PSMB7: variants seen among roughly 807,000 people sequenced by gnomAD.
PSMB7 encodes the protein proteasome 20S subunit beta 7, also known as proteasome subunit beta type-7.
PSMB7 carries 5 observed loss-of-function variants against 28.1 expected under a neutral mutation model. The ratio of observed to expected loss-of-function variants is 0.18; its 90% CI spans 0.09 to 0.37. The LOEUF (loss-of-function observed/expected upper bound fraction) is 0.37, where lower values mean the gene tolerates loss of function less well. PSMB7 is among the 10% of genes least tolerant of loss of function. The pLI, the probability that PSMB7 is intolerant of heterozygous loss-of-function variation, is 1.00. For synonymous variants in PSMB7, 122 were observed against 123.7 expected, an observed-to-expected ratio of 0.99 and a Z score of 0.09; for missense variants, 275 against 346.2, an observed-to-expected ratio of 0.79 and a Z score of 1.63.
intron 7 of PSMB7, 140 bp from the exon 8 acceptor site, chr9:124,353,849 A>T (rs1274467474): frequency 1.0e-5 from 7 of 688,228 alleles, no homozygotes; most frequent in Non-Finnish European, 1.8e-5. Context: ...CAGCTCTGTG[A>T]TCTTGGGGGA....
intron 5 of PSMB7, among the ~76,000 whole-genome samples, chr9:124,393,986 C>G (rs1830817713): frequency 6.6e-6 from 1 of 152,236 alleles, no homozygotes; most frequent in Non-Finnish European, 1.5e-5. Flanking sequence ...AGGCATACAC[C>G]CTGCCCTGCT....
chr9:124,392,375 A>T (rs1343132197), intron 5 of PSMB7, among the ~76,000 whole-genome samples: 2 of 152,186 alleles, frequency 1.3e-5, no homozygotes, highest in East Asian at 3.8e-4. Context: ...TATCACTCCG[A>T]GCTCTGCAAA....
chr9:124,386,447 T>C (rs1415124885), intron 5 of PSMB7, among the ~76,000 whole-genome samples: 1 of 152,228 alleles, frequency 6.6e-6, no homozygotes, highest in Admixed American at 6.5e-5. Context: ...AGTCTCAGAC[T>C]TACTAGTAAA....
intron 6 of PSMB7, among the ~76,000 whole-genome samples, chr9:124,377,969 T>C (rs934880796): frequency 4.6e-5 from 7 of 152,244 alleles, no homozygotes; most frequent in Admixed American, 4.6e-4. Flanking sequence ...GGTAGAAGCT[T>C]CAGCAACTCA....
chr9:124,371,408 A>G (rs1288545470), intron 6 of PSMB7, among the ~76,000 whole-genome samples: 2 of 152,216 alleles, frequency 1.3e-5, no homozygotes, highest in Non-Finnish European at 2.9e-5. Flanking sequence ...GATTTCTAAC[A>G]GAGCCTCACT....
rs187488396 is a variant in PSMB7, at chr9:124,355,905, G to C, written c.722+859C>G. Among the ~76,000 whole-genome samples, 3 of 152,322 alleles carry C rather than the reference G, an allele frequency of 2.0e-5. No individual in the cohort carries two copies. In the East Asian group the frequency reaches 5.8e-4, roughly 29 times the overall value. Reference sequence around the variant, plus strand: ...CATTCCTTCCTTGTGAATTACTCCTGATGTGGAGTTGTGTGTGCAGTGGGA... The same window carrying C: ...CATTCCTTCCTTGTGAATTACTCCTCATGTGGAGTTGTGTGTGCAGTGGGA... On this transcript the variant is annotated intron_variant, in intron 7 of 7. Coordinates refer to ENST00000259457, the MANE Select transcript of PSMB7 (RefSeq NM_002799.4).
intron 6 of PSMB7, among the ~76,000 whole-genome samples, chr9:124,373,705 A>G (rs181916425): frequency 5.3e-5 from 8 of 152,228 alleles, no homozygotes; most frequent in Non-Finnish European, 1.0e-4. Context: ...GATGACTACA[A>G]TCCAAAGGAT....
intron 6 of PSMB7, among the ~76,000 whole-genome samples, chr9:124,357,275 G>A (rs749407664): frequency 2.0e-5 from 3 of 152,234 alleles, no homozygotes; most frequent in East Asian, 1.9e-4. Context: ...ACTCTGTCAC[G>A]CTAGCACAAA....
chr9:124,388,067 C>G (rs1038304931), intron 5 of PSMB7, among the ~76,000 whole-genome samples: 1 of 152,162 alleles, frequency 6.6e-6, no homozygotes, highest in Non-Finnish European at 1.5e-5. Context: ...TCCTCTTTTC[C>G]CTATAAACCA....
intron 6 of PSMB7, among the ~76,000 whole-genome samples, chr9:124,358,435 T>G (rs1400690068): frequency 6.6e-6 from 1 of 152,240 alleles, no homozygotes; most frequent in Admixed American, 6.5e-5. Flanking sequence ...AAGCCAATTC[T>G]TCTTTTGTAC....
chr9:124,412,589 C>G, intron 3 of PSMB7, 97 bp from the exon 4 acceptor site: 1 of 1,298,142 alleles, frequency 7.7e-7, no homozygotes, highest in Non-Finnish European at 1.1e-6. Flanking sequence ...AGTTCAGGTA[C>G]AGAGAGATGT....
At position 124,408,968 on chromosome 9, in the gene PSMB7, G is replaced by C. The variant is rs149680098; in HGVS notation, c.395+3384C>G. 3.1e-3 allele frequency among the ~76,000 whole-genome samples: 472 copies of C among 152,258 alleles called. 2 individuals are homozygous for C. The highest frequency in any genetic ancestry group is 0.011 in the African/African-American group (454 of 41,544). On this transcript the variant is annotated intron_variant, in intron 4 of 7. Transcript: ENST00000259457. The stretch of plus-strand genomic sequence containing the variant: ...ATGCACTGTTAGGTGAGAAGACTAG[G>C]CTATACTACAGTCAGTACAACTATA...
chr9:124,363,329 G>A (rs1012966082), intron 6 of PSMB7, among the ~76,000 whole-genome samples: 2 of 152,228 alleles, frequency 1.3e-5, no homozygotes, highest in African/African-American at 2.4e-5. Context: ...CTCTGCCACT[G>A]ATGTGGCCTG....
chr9:124,378,195 G>T (rs1830632256), intron 6 of PSMB7, among the ~76,000 whole-genome samples: 1 of 152,212 alleles, frequency 6.6e-6, no homozygotes. Flanking sequence ...GCCTGTCATG[G>T]ATTTATAAAT....
At chr9:124,386,625 AAC>A (rs1259062029) in intron 5 of PSMB7, among the ~76,000 whole-genome samples, 1 of 152,244 alleles carries the variant, frequency 6.6e-6, no homozygotes, top group Non-Finnish European at 1.5e-5. Flanking sequence ...CTCCACGAAG[AAC>A]ACAAGGGTAA....
At chr9:124,375,126 T>C (rs1030045475) in intron 6 of PSMB7, among the ~76,000 whole-genome samples, 1 of 151,778 alleles carries the variant, frequency 6.6e-6, no homozygotes, top group African/African-American at 2.4e-5. Context: ...AAAAAAAAGC[T>C]ATGGATCACA....
intron 6 of PSMB7, among the ~76,000 whole-genome samples, chr9:124,370,613 AT>A (rs1446303647): frequency 6.6e-6 from 1 of 152,118 alleles, no homozygotes; most frequent in Non-Finnish European, 1.5e-5. Context: ...ATACAGGGGC[AT>A]TTTTAAATTA....
intron 4 of PSMB7, among the ~76,000 whole-genome samples, chr9:124,409,528 G>A (rs1831004584): frequency 6.6e-6 from 1 of 152,140 alleles, no homozygotes; most frequent in African/African-American, 2.4e-5. Context: ...CATCACTTCT[G>A]CTTATCAAAC....
At chr9:124,389,376 C>A (rs1830761233) in intron 5 of PSMB7, among the ~76,000 whole-genome samples, 1 of 152,180 alleles carries the variant, frequency 6.6e-6, no homozygotes. Context: ...TTTCAGCACA[C>A]CCACGGTTAC....
Sources: allele counts gnomAD v4.1 joint callset (sites outside exome capture counted in the v4.1 genomes callset), GRCh38; gene constraint gnomAD v4.1.1; transcripts MANE v1.5; gene names NCBI Gene and HGNC (gene_info 2026-07-23, HGNC 2026-07-21).